Variants in PDE8A observed in about 807,000 individuals in gnomAD.
PDE8A encodes the protein phosphodiesterase 8A.
Under a neutral mutation model 105.0 loss-of-function variants are expected in PDE8A, and 59 were observed. The ratio of observed to expected loss-of-function variants is 0.56; its 90% CI spans 0.46 to 0.70. PDE8A has a LOEUF of 0.70. Ranked by LOEUF, PDE8A falls within the 30% of genes least tolerant of loss-of-function variation. The pLI is 0.00. For missense variants in PDE8A, 1,014 were observed against 1,045.9 expected, an observed-to-expected ratio of 0.97 and a Z score of 0.42; for synonymous variants, 355 against 371.9, an observed-to-expected ratio of 0.95 and a Z score of 0.52.
At chr15:85,036,091 A>G (rs2080702101) in intron 1 of PDE8A, among the ~76,000 whole-genome samples, 1 of 152,198 alleles carries the variant, frequency 6.6e-6, no homozygotes, top group Admixed American at 6.5e-5. Flanking sequence ...TTAAAACAGG[A>G]ATATCACCCT....
chr15:85,112,482 C>T (rs1278150214), intron 12 of PDE8A, among the ~76,000 whole-genome samples: 4 of 152,010 alleles, frequency 2.6e-5, no homozygotes, highest in African/African-American at 9.7e-5. Flanking sequence ...GTTTAATGAC[C>T]TTGTTGGGTA....
chr15:85,003,218 C>CT (rs1444973925), intron 1 of PDE8A, among the ~76,000 whole-genome samples: 5 of 152,300 alleles, frequency 3.3e-5, no homozygotes, highest in African/African-American at 7.2e-5. Context: ...GAAACCAGGA[C>CT]TTTTTTTCCA....
At chr15:85,055,145 G>A (rs1339015254) in intron 1 of PDE8A, among the ~76,000 whole-genome samples, 2 of 152,120 alleles carry the variant, frequency 1.3e-5, no homozygotes, top group Non-Finnish European at 2.9e-5. Flanking sequence ...TTAATCCTGA[G>A]TTCTAGTTTG....
chr15:84,981,129 G>A (rs1166737948), upstream of PDE8A, among the ~76,000 whole-genome samples: 1 of 152,242 alleles, frequency 6.6e-6, no homozygotes, highest in Non-Finnish European at 1.5e-5. Flanking sequence ...TTACGGAGCC[G>A]GAATTCGAAT....
intron 1 of PDE8A, among the ~76,000 whole-genome samples, chr15:85,022,445 T>C (rs2080443110): frequency 9.3e-6 from 1 of 107,214 alleles, no homozygotes; most frequent in Admixed American, 1.0e-4. Context: ...TTTTTTTTTG[T>C]AATGTCTGAC....
intron 3 of PDE8A, among the ~76,000 whole-genome samples, chr15:85,073,216 A>G (rs2081337566): frequency 6.6e-6 from 1 of 152,196 alleles, no homozygotes; most frequent in African/African-American, 2.4e-5. Flanking sequence ...ACCTTCTTGA[A>G]TTCTGACTTC....
intron 1 of PDE8A, among the ~76,000 whole-genome samples, chr15:85,031,449 G>T (rs2080613558): frequency 6.6e-6 from 1 of 152,092 alleles, no homozygotes; most frequent in African/African-American, 2.4e-5. Flanking sequence ...TTGGCTCTCT[G>T]CTTGCCTGAG....
chr15:85,021,364 T>A (rs1343715568), intron 1 of PDE8A, among the ~76,000 whole-genome samples: 1 of 152,052 alleles, frequency 6.6e-6, no homozygotes, highest in African/African-American at 2.4e-5. Context: ...TGACATAATG[T>A]GACCCCGTCT....
intron 1 of PDE8A, among the ~76,000 whole-genome samples, chr15:85,003,333 C>T (rs2080095323): frequency 6.6e-6 from 1 of 152,188 alleles, no homozygotes; most frequent in South Asian, 2.1e-4. Context: ...TTTATAACTT[C>T]ATCAGTAGAG....
chr15:85,086,058 G>T (rs1310328262), intron 6 of PDE8A, among the ~76,000 whole-genome samples: 1 of 151,894 alleles, frequency 6.6e-6, no homozygotes, highest in Non-Finnish European at 1.5e-5. Context: ...TGATTACATG[G>T]CATTTTAAAT....
chr15:85,005,762 C>T (rs1300653140), intron 1 of PDE8A, among the ~76,000 whole-genome samples: 1 of 152,066 alleles, frequency 6.6e-6, no homozygotes, highest in African/African-American at 2.4e-5. Context: ...ACAACCTCAG[C>T]ATTAGGACTG....
chr15:85,091,269 A>G, intron 8 of PDE8A, 88 bp downstream of exon 8: 1 of 1,160,170 alleles, frequency 8.6e-7, no homozygotes, highest in East Asian at 2.4e-5. Context: ...AGGTAATCTT[A>G]ATCTTACTCC....
At chr15:85,059,077 C>T (rs954447473) in intron 1 of PDE8A, among the ~76,000 whole-genome samples, 9 of 152,204 alleles carry the variant, frequency 5.9e-5, no homozygotes, top group South Asian at 2.1e-4. Flanking sequence ...TAGTATGTTG[C>T]GTTTTTGTTT....
intron 1 of PDE8A, among the ~76,000 whole-genome samples, chr15:85,021,875 G>A (rs1057171866): frequency 2.1e-4 from 32 of 152,184 alleles, no homozygotes; most frequent in African/African-American, 7.7e-4. Context: ...GGGAGGTTGC[G>A]TGTCCTCCTT....
At chr15:85,025,585 C>T (rs935653778) in intron 1 of PDE8A, among the ~76,000 whole-genome samples, 2 of 152,170 alleles carry the variant, frequency 1.3e-5, no homozygotes, top group African/African-American at 2.4e-5. Flanking sequence ...TTCTTATCAT[C>T]CCCCCTCTTT....
chr15:85,126,433 A>G (rs1278575833), intron 20 of PDE8A, 59 bp downstream of exon 20: 2 of 1,212,600 alleles, frequency 1.6e-6, no homozygotes, highest in Admixed American at 2.7e-5. Flanking sequence ...CCATAAAATC[A>G]TACGAGATAA....
chr15:85,127,048 T>TAGCC (rs1165480610), intron 20 of PDE8A, among the ~76,000 whole-genome samples: 1 of 151,976 alleles, frequency 6.6e-6, no homozygotes, highest in Non-Finnish European at 1.5e-5. Flanking sequence ...AATTAAAAGT[T>TAGCC]AGCCGGGCAT....
intron 3 of PDE8A, among the ~76,000 whole-genome samples, chr15:85,070,537 A>G (rs1274561540): frequency 6.6e-6 from 1 of 152,194 alleles, no homozygotes; most frequent in African/African-American, 2.4e-5. Flanking sequence ...AGGATACTTG[A>G]GTTGCATCTT....
intron 1 of PDE8A, among the ~76,000 whole-genome samples, chr15:85,025,304 T>G (rs11631171): frequency 0.074 from 11,198 of 152,208 alleles, 569 homozygotes; most frequent in Non-Finnish European, 0.11. Context: ...TGAAGTGACC[T>G]ACTTTCTTGA....
Sources: allele counts gnomAD v4.1 joint callset (sites outside exome capture counted in the v4.1 genomes callset), GRCh38; gene constraint gnomAD v4.1.1; transcripts MANE v1.5; gene names NCBI Gene and HGNC (gene_info 2026-07-23, HGNC 2026-07-21).